Variants in HTR4 observed in about 807,000 individuals in gnomAD.
The protein encoded by HTR4 is 5-hydroxytryptamine (serotonin) receptor 4, G protein-coupled.
Under a neutral mutation model 36.8 loss-of-function variants are expected in HTR4, and 16 were observed. The observed-to-expected ratio is 0.43, with a 90% confidence interval of 0.29 to 0.66. The LOEUF is 0.66. Ranked by LOEUF, HTR4 falls within the 30% of genes least tolerant of loss-of-function variation. The pLI is 0.13. For missense variants in HTR4, 438 were observed against 490.9 expected, an observed-to-expected ratio of 0.89 and a Z score of 1.02; for synonymous variants, 189 against 185.1, an observed-to-expected ratio of 1.02 and a Z score of -0.17.
At position 148,457,977 on chromosome 5, in the gene HTR4, T is replaced by C. The variant is rs1170901240; in HGVS notation, c.1077-6705A>G. On this transcript the variant is annotated intron_variant, in intron 5 of 5. Coordinates refer to the HTR4 transcript ENST00000521530. ...AATATATATTAAAATATAATATATT[T>C]TAATGATATATTTAATATATCTTAA... Among the ~76,000 whole-genome samples the C allele has an allele frequency of 2.1e-3, 210 of 98,220 alleles. 1 individual carries two copies. Among genetic ancestry groups the C allele is most frequent in the African/African-American group, 6.4e-3 (204 of 32,012 alleles). The allele number at this position is 98,220 out of a possible 152,430, so 64.4% of individuals were successfully genotyped here.
At chr5:148,498,368 C>A (rs1225026871) in intron 6 of HTR4, among the ~76,000 whole-genome samples, 3 of 152,114 alleles carry the variant, frequency 2.0e-5, no homozygotes, top group South Asian at 2.1e-4. Context: ...TTCTCTATAC[C>A]TTTTAGGATC....
At chr5:148,653,851 A>G (rs1054527447) in intron 1 of HTR4, among the ~76,000 whole-genome samples, 2 of 152,118 alleles carry the variant, frequency 1.3e-5, no homozygotes, top group Non-Finnish European at 2.9e-5. Context: ...CCAAGCCTAC[A>G]GTGATCCCAC....
chr5:148,544,975 C>T (rs1759318866), intron 4 of HTR4, among the ~76,000 whole-genome samples: 1 of 152,244 alleles, frequency 6.6e-6, no homozygotes, highest in Non-Finnish European at 1.5e-5. Context: ...AAGGACATCA[C>T]ACCTCATTGA....
At chr5:148,505,435 T>C (rs975612755) in intron 6 of HTR4, among the ~76,000 whole-genome samples, 2 of 152,088 alleles carry the variant, frequency 1.3e-5, no homozygotes, top group Non-Finnish European at 2.9e-5. Context: ...GGGCAAAAAC[T>C]GGAAGCATTC....
chr5:148,495,347 G>T lies in HTR4; in HGVS notation c.1077-12054C>A, dbSNP rs140721670. ...AAAACTGGAATCTTTAGCAGATTTTGTACAGGGAAATTCTCTGCTCTAAGG... is the reference window on the plus strand; with the variant it reads ...AAAACTGGAATCTTTAGCAGATTTTTTACAGGGAAATTCTCTGCTCTAAGG... On this transcript the variant is annotated intron_variant, in intron 6 of 6. Coordinates refer to ENST00000377888, the MANE Select transcript of HTR4 (RefSeq NM_000870.7). 2.4e-3 allele frequency among the ~76,000 whole-genome samples: 358 copies of T among 152,296 alleles called. 3 individuals are homozygous for T. Among genetic ancestry groups the T allele is most frequent in the African/African-American group, 8.1e-3 (336 of 41,566 alleles).
chr5:148,571,893 A>G (rs1449767319), intron 2 of HTR4, among the ~76,000 whole-genome samples: 2 of 152,108 alleles, frequency 1.3e-5, no homozygotes, highest in Non-Finnish European at 2.9e-5. Context: ...TTCCATAAAA[A>G]GCTGTAATTT....
rs538746361 is a variant in HTR4 at position 148,506,952 on chromosome 5, G to A, written c.1076+2504C>T. Among the ~76,000 whole-genome samples, 17 of 152,314 alleles carry A rather than the reference G, an allele frequency of 1.1e-4. No individual in the cohort carries two copies. The South Asian group carries it at 3.5e-3, about 32-fold the overall frequency. On this transcript the variant is annotated intron_variant, in intron 6 of 6. Transcript: ENST00000377888. ...GACTGTAAACTAGTTCAACTATTGTGGAAGACAGTGTGGCGATTCCTCAAG... is the reference window on the plus strand; with the variant it reads ...GACTGTAAACTAGTTCAACTATTGTAGAAGACAGTGTGGCGATTCCTCAAG...
intron 2 of HTR4, among the ~76,000 whole-genome samples, chr5:148,615,899 C>T (rs889160846): frequency 3.9e-5 from 6 of 152,194 alleles, no homozygotes; most frequent in African/African-American, 1.4e-4. Flanking sequence ...CTAAATTGAC[C>T]CAGATGCTGT....
In HTR4 at chr5:148,567,851, T is replaced by C. The variant is rs530656075; in HGVS notation, c.27-17589A>G. Among the ~76,000 whole-genome samples the C allele has an allele frequency of 3.9e-5, 6 of 152,298 alleles. No homozygotes were observed. In the South Asian group the frequency reaches 1.0e-3, roughly 26 times the overall value. Reference sequence around the variant, plus strand: ...GCTGTATTTTTCCTGATGGTATGTATCTAACATATTGTATATTTCTTTGTT... The same window carrying C: ...GCTGTATTTTTCCTGATGGTATGTACCTAACATATTGTATATTTCTTTGTT... On this transcript the variant is annotated intron_variant, in intron 2 of 6. Coordinates refer to ENST00000377888, the MANE Select transcript of HTR4 (RefSeq NM_000870.7).
intron 2 of HTR4, among the ~76,000 whole-genome samples, chr5:148,611,771 T>C (rs1752439489): frequency 6.6e-6 from 1 of 151,578 alleles, no homozygotes; most frequent in Non-Finnish European, 1.5e-5. Context: ...GTGTGCTGTA[T>C]TCAGGAAACC....
At chr5:148,497,689 C>T (rs896141267) in intron 6 of HTR4, among the ~76,000 whole-genome samples, 1 of 152,182 alleles carries the variant, frequency 6.6e-6, no homozygotes, top group Non-Finnish European at 1.5e-5. Flanking sequence ...GGGGAAAACA[C>T]AGCTGCAGAA....
intron 2 of HTR4, among the ~76,000 whole-genome samples, chr5:148,566,524 T>C (rs1179618196): frequency 6.6e-6 from 1 of 152,108 alleles, no homozygotes; most frequent in Non-Finnish European, 1.5e-5. Context: ...AAGGTCCAGC[T>C]TAACGGAGAA....
At chr5:148,459,441 G>T (rs536130133) in intron 5 of HTR4, among the ~76,000 whole-genome samples, 120 of 152,154 alleles carry the variant, frequency 7.9e-4, no homozygotes, top group Admixed American at 1.8e-3. Context: ...TAACCTATGA[G>T]AATTTTATCT....
At chr5:148,589,660 G>T (rs1761482964) in intron 2 of HTR4, among the ~76,000 whole-genome samples, 2 of 151,308 alleles carry the variant, frequency 1.3e-5, no homozygotes, top group South Asian at 2.1e-4. Flanking sequence ...CTTTGTTTTG[G>T]GCATATTTTG....
intron 2 of HTR4, among the ~76,000 whole-genome samples, chr5:148,584,357 AG>A (rs982724577): frequency 9.2e-5 from 14 of 152,176 alleles, no homozygotes; most frequent in African/African-American, 3.1e-4. Flanking sequence ...CCAGTCACCC[AG>A]TGCCACACAC....
At chr5:148,452,009 A>G (rs1754985428) in intron 5 of HTR4, among the ~76,000 whole-genome samples, 1 of 152,348 alleles carries the variant, frequency 6.6e-6, no homozygotes, top group Admixed American at 6.5e-5. Flanking sequence ...CTCTGAGGCC[A>G]GTGTCAAGCA....
At chr5:148,614,314 G>C (rs969678550) in intron 2 of HTR4, among the ~76,000 whole-genome samples, 7 of 150,480 alleles carry the variant, frequency 4.7e-5, no homozygotes, top group Non-Finnish European at 3.0e-5. Flanking sequence ...AAACAGCATG[G>C]TACTGGTACC....
chr5:148,651,653 A>G (rs1224337269), intron 1 of HTR4, among the ~76,000 whole-genome samples: 1 of 151,984 alleles, frequency 6.6e-6, no homozygotes, highest in Non-Finnish European at 1.5e-5. Flanking sequence ...AATAGTGCCA[A>G]GAAATCCTGA....
At chr5:148,460,437 C>T (rs754956748) in intron 5 of HTR4, among the ~76,000 whole-genome samples, 10 of 151,974 alleles carry the variant, frequency 6.6e-5, no homozygotes, top group African/African-American at 9.7e-5. Context: ...ATAAAAATTA[C>T]ATCCAACTTC....
Sources: allele counts gnomAD v4.1 joint callset (sites outside exome capture counted in the v4.1 genomes callset), GRCh38; gene constraint gnomAD v4.1.1; transcripts MANE v1.5; gene names NCBI Gene and HGNC (gene_info 2026-07-23, HGNC 2026-07-21).